The following KHDRBS1 variants were observed in gnomAD, a reference collection of about 807,000 sequenced individuals.
KHDRBS1 encodes the protein KH RNA binding domain containing, signal transduction associated 1.
KHDRBS1 carries 7 observed loss-of-function variants against 48.4 expected under a neutral mutation model. The observed-to-expected ratio is 0.14, with a 90% CI of 0.08 to 0.27. KHDRBS1 has a LOEUF of 0.27. Among genes scored for constraint, KHDRBS1 ranks in the 10% least tolerant of loss-of-function variants. The pLI, the probability that KHDRBS1 is intolerant of heterozygous loss-of-function variation, is 1.00. For synonymous variants in KHDRBS1, 241 were observed against 235.8 expected, an observed-to-expected ratio of 1.02 and a Z score of -0.20; for missense variants, 458 against 601.2, an observed-to-expected ratio of 0.76 and a Z score of 2.49.
rs1639306772 is a variant in KHDRBS1 at position 32,042,914 on chromosome 1, T to A, written c.*290T>A. 1 of 184,018 alleles carries A rather than the reference T, an allele frequency of 5.4e-6. No individual in the cohort carries two copies. Among genetic ancestry groups the A allele is most frequent in the Admixed American group, 6.1e-5 (1 of 16,310 alleles). The allele number at this position is 184,018 out of a possible 1,614,324, so 11.4% of individuals were successfully genotyped here. On this transcript the variant is annotated 3_prime_UTR_variant, in exon 9 of 9. Transcript: ENST00000327300. ...AATATAAACAGAAGTGTACCTTTTA[T>A]AATAAAAAAAAGAAGTTGAGTAAAA...
At chr1:32,022,148 C>G (rs1638871288) in intron 1 of KHDRBS1, among the ~76,000 whole-genome samples, 1 of 151,818 alleles carries the variant, frequency 6.6e-6, no homozygotes, top group Non-Finnish European at 1.5e-5. Flanking sequence ...TTAGATTTAG[C>G]TAGAGTAAAT....
At chr1:32,025,931 T>TATATATATATATATATATATATATATATA (rs1557892025) in intron 1 of KHDRBS1, among the ~76,000 whole-genome samples, 1 of 144,260 alleles carries the variant, frequency 6.9e-6, no homozygotes, top group African/African-American at 2.7e-5. Flanking sequence ...ATATATATAT[T>TATATATATATATATATATATATATATATA]TATTTATTTA....
chr1:32,014,136 C>T lies in KHDRBS1; in HGVS notation c.141C>T (p.Gly47=), dbSNP rs1215901628. 2.3e-6 allele frequency: 3 copies of T among 1,327,030 alleles called. No individual in the cohort carries two copies. Among genetic ancestry groups the T allele is most frequent in the East Asian group, 3.1e-5 (1 of 32,244 alleles). The allele number at this position is 1,327,030 out of a possible 1,614,324, so 82.2% of individuals were successfully genotyped here. A position where few individuals can be genotyped will look rare whatever the true frequency, so the allele number is the denominator to read the frequency against. The change falls in exon 1 of 9, where the codon GGC becomes GGT. Residue 47 remains glycine (G), a synonymous_variant. Coordinates refer to ENST00000327300, the MANE Select transcript of KHDRBS1 (RefSeq NM_006559.3). ...CGCTGCCTCACCGGTCCCGGGGAGG[C>T]GGAGGGGGATCCCGCGGGGGCGCCC... ...QPPLPHRSRG[G]GGGSRGGARA...
Position 32,032,304 on chromosome 1 carries a change from A to G in KHDRBS1, c.624+664A>G, listed in dbSNP as rs543325185. On this transcript the variant is annotated intron_variant, in intron 3 of 8. Transcript: ENST00000327300. ...TACAGTCCAAAAACCAATTCTTTCAACCCTCCTTTTATGTAGTCTAATGGA... is the reference window on the plus strand; with the variant it reads ...TACAGTCCAAAAACCAATTCTTTCAGCCCTCCTTTTATGTAGTCTAATGGA... 8.6e-5 allele frequency among the ~76,000 whole-genome samples: 13 copies of G among 151,966 alleles called. No individual in the cohort carries two copies. The South Asian group carries it at 2.3e-3, about 27-fold the overall frequency.
At chr1:32,053,754 G>A (rs1297357752) in intron 10 of KHDRBS1, among the ~76,000 whole-genome samples, 2 of 151,990 alleles carry the variant, frequency 1.3e-5, no homozygotes, top group Non-Finnish European at 2.9e-5. Context: ...CATTTACTTC[G>A]ACACTTGGGA....
chr1:32,013,883 T>C lies in KHDRBS1; in HGVS notation c.-113T>C, dbSNP rs1345313406. On this transcript the variant is annotated 5_prime_UTR_variant, in exon 1 of 9. Coordinates refer to ENST00000327300, the MANE Select transcript of KHDRBS1 (RefSeq NM_006559.3). ...CCGGTGCTCTCTCTCGCTGGGTCGC[T>C]CGGGTCGGCTTCGGTCGCTACCGCT... The C allele has an allele frequency of 3.8e-6, 4 of 1,048,772 alleles. No individual in the cohort carries two copies. Among genetic ancestry groups the C allele is most frequent in the Non-Finnish European group, 5.0e-6 (4 of 801,554 alleles). The allele number at this position is 1,048,772 out of a possible 1,614,324, so 65.0% of individuals were successfully genotyped here. A position where few individuals can be genotyped will look rare whatever the true frequency, so the allele number is the denominator to read the frequency against.
At chr1:32,038,477 C>T in intron 6 of KHDRBS1, 75 bp from the exon 7 acceptor site, 1 of 1,416,820 alleles carries the variant, frequency 7.1e-7, no homozygotes, top group Non-Finnish European at 9.8e-7. Flanking sequence ...TACTTACTCC[C>T]ATGGGATGTA....
chr1:32,039,461 A>G, intron 7 of KHDRBS1, 54 bp from the exon 8 acceptor site: 1 of 832,814 alleles, frequency 1.2e-6, no homozygotes, highest in South Asian at 1.3e-5. Context: ...ATTTGAGAGA[A>G]AGTTGAAACA....
At chr1:32,017,626 A>G (rs1205128483) in intron 1 of KHDRBS1, among the ~76,000 whole-genome samples, 2 of 20,760 alleles carry the variant, frequency 9.6e-5, no homozygotes, top group African/African-American at 4.9e-4. Flanking sequence ...TTTTTTTTTG[A>G]GACGGAGTTG....
downstream of KHDRBS1, among the ~76,000 whole-genome samples, chr1:32,046,410 T>C (rs140382974): frequency 5.1e-3 from 774 of 152,266 alleles, 6 homozygotes; most frequent in African/African-American, 0.018. Context: ...AGACGAGGTT[T>C]CACCTTATTG....
intron 1 of KHDRBS1, among the ~76,000 whole-genome samples, chr1:32,028,260 T>G (rs1395969614): frequency 6.6e-6 from 1 of 152,080 alleles, no homozygotes; most frequent in African/African-American, 2.4e-5. Context: ...TGGGAACTTG[T>G]TGGAAATGCA....
At chr1:32,023,905 G>A (rs1412668204) in intron 1 of KHDRBS1, among the ~76,000 whole-genome samples, 2 of 152,140 alleles carry the variant, frequency 1.3e-5, no homozygotes, top group Non-Finnish European at 2.9e-5. Flanking sequence ...CTTAAATAAA[G>A]TGTGCCCCCC....
intron 6 of KHDRBS1, 103 bp from the exon 7 acceptor site, chr1:32,038,449 C>T (rs185491697): frequency 9.0e-7 from 1 of 1,114,508 alleles, no homozygotes; most frequent in Non-Finnish European, 1.3e-6. Context: ...AATGTCATGT[C>T]CTTTTAATTC....
intron 10 of KHDRBS1, among the ~76,000 whole-genome samples, chr1:32,057,831 C>G (rs552029652): frequency 3.7e-4 from 54 of 145,736 alleles, no homozygotes; most frequent in Admixed American, 2.8e-3. Flanking sequence ...GATGGGGTCT[C>G]AGGGGCCGGG....
intron 1 of KHDRBS1, among the ~76,000 whole-genome samples, chr1:32,017,899 G>A (rs933631371): frequency 4.0e-5 from 6 of 151,670 alleles, no homozygotes; most frequent in African/African-American, 1.5e-4. Flanking sequence ...GAGCCACTGC[G>A]CCCGGCCTAT....
At chr1:32,036,093 A>G (rs1639171821) in intron 4 of KHDRBS1, among the ~76,000 whole-genome samples, 1 of 144,770 alleles carries the variant, frequency 6.9e-6, no homozygotes, top group Non-Finnish European at 1.5e-5. Context: ...GTTGATGTAT[A>G]CTCCTTGAGT....
At chr1:32,032,714 T>C (rs1639103751) in intron 3 of KHDRBS1, among the ~76,000 whole-genome samples, 1 of 152,130 alleles carries the variant, frequency 6.6e-6, no homozygotes, top group Non-Finnish European at 1.5e-5. Context: ...TTTTTTTTTT[T>C]TCTTGAGAGG....
rs191940312 is a variant in KHDRBS1 at position 32,016,107 on chromosome 1, A to G, written c.382+1730A>G. Among the ~76,000 whole-genome samples, 326 of 151,920 alleles carry G rather than the reference A, an allele frequency of 2.1e-3. 5 individuals are homozygous for G. Among genetic ancestry groups the G allele is most frequent in the African/African-American group, 7.3e-3 (304 of 41,434 alleles). ...GCAGGAAAATCACTTGAACCTGGGA[A>G]GCGAAGGTTGCAGGGAGCCCAGATT... On this transcript the variant is annotated intron_variant, in intron 1 of 8. Coordinates refer to ENST00000327300, the MANE Select transcript of KHDRBS1 (RefSeq NM_006559.3).
At chr1:32,029,659 A>G (rs528960929) in intron 1 of KHDRBS1, among the ~76,000 whole-genome samples, 6 of 152,360 alleles carry the variant, frequency 3.9e-5, no homozygotes, top group African/African-American at 1.2e-4. Context: ...CTCCATTTCA[A>G]AAAAGAAAAA....
Sources: gnomAD v4.1 joint callset for allele counts (sites outside exome capture counted in the v4.1 genomes callset) on GRCh38, gnomAD v4.1.1 for gene constraint, MANE v1.5 for transcripts, NCBI Gene and HGNC (gene_info 2026-07-23, HGNC 2026-07-21) for gene names.